The following TANC2 variants were observed in gnomAD, a reference collection of about 807,000 sequenced individuals.
TANC2 encodes the protein protein TANC2.
TANC2 carries 26 observed loss-of-function variants against 210.5 expected under a neutral mutation model. That is an observed-to-expected ratio of 0.12 (90% CI 0.09 to 0.17). The LOEUF (loss-of-function observed/expected upper bound fraction) is 0.17, where lower values mean the gene tolerates loss of function less well. Ranked by LOEUF, TANC2 falls within the 10% of genes least tolerant of loss-of-function variation. TANC2 has a pLI of 1.00. For missense variants in TANC2, 2,129 were observed against 2,608.9 expected, an observed-to-expected ratio of 0.82 and a Z score of 4.01; for synonymous variants, 931 against 967.1, an observed-to-expected ratio of 0.96 and a Z score of 0.69.
chr17:63,209,418 TTTTG>T (rs574202828), intron 7 of TANC2, among the ~76,000 whole-genome samples: 3 of 152,088 alleles, frequency 2.0e-5, no homozygotes, highest in Non-Finnish European at 4.4e-5. Flanking sequence ...AAGGAATCCT[TTTTG>T]TTTGTTTGTT....
chr17:63,167,884 C>CA lies in TANC2; in HGVS notation c.433+16529dup, dbSNP rs760465295. 7.7e-3 allele frequency among the ~76,000 whole-genome samples: 494 copies of CA among 63,922 alleles called. 12 individuals are homozygous for CA. Among genetic ancestry groups the CA allele is most frequent in the East Asian group, 0.02 (27 of 1,330 alleles). The allele number at this position is 63,922 out of a possible 152,430, so 41.9% of individuals were successfully genotyped here. A position where few individuals can be genotyped will look rare whatever the true frequency, so the allele number is the denominator to read the frequency against. On this transcript the variant is annotated intron_variant, in intron 5 of 27. Transcript: ENST00000689528. ...TGGGTGACAGAGTGAGACTCTGTCT[C>CA]AAAAAAAAAAAAAAAAAAAAAAAAA... is the stretch of plus-strand genomic sequence containing the variant.
chr17:63,421,473 G>C lies in TANC2; in HGVS notation c.5743G>C (p.Gly1915Arg). 6.2e-7 allele frequency: 1 copy of C among 1,613,948 alleles called. No individual in the cohort carries two copies. Among genetic ancestry groups the C allele is most frequent in the Non-Finnish European group, 8.5e-7 (1 of 1,179,890 alleles). The change falls in exon 28 of 28, where the codon GGA (glycine) becomes CGA (arginine). Residue 1915 changes from glycine to arginine, a missense_variant. Around this residue, in one of 5 missense-constraint regions of TANC2, gnomAD observed 584 missense variants for 627.3 expected, o/e 0.93. Transcript: ENST00000689528. The surrounding 1 kb of genome is among the most constrained non-coding windows in gnomAD (Gnocchi z 6.9). ...GCTGTCGCCAGTGTCTCCAACTCAAGGAGGTTACCCCAGTGAGCCCACCCG... is the reference window on the plus strand; with the variant it reads ...GCTGTCGCCAGTGTCTCCAACTCAACGAGGTTACCCCAGTGAGCCCACCCG...
At chr17:63,375,009 T>TA (rs1295540305) in intron 14 of TANC2, among the ~76,000 whole-genome samples, 5 of 151,876 alleles carry the variant, frequency 3.3e-5, no homozygotes, top group South Asian at 4.2e-4. Context: ...TGGCAATATT[T>TA]AAAAAAAAGA....
At chr17:63,232,694 T>C (rs1191361298) in intron 7 of TANC2, among the ~76,000 whole-genome samples, 28 of 152,212 alleles carry the variant, frequency 1.8e-4, no homozygotes, top group Non-Finnish European at 2.2e-4. Context: ...GTATAAGGTG[T>C]CTGGCGACCC....
chr17:63,049,111 C>T (rs2035485463), intron 2 of TANC2, among the ~76,000 whole-genome samples: 1 of 152,098 alleles, frequency 6.6e-6, no homozygotes, highest in African/African-American at 2.4e-5. Context: ...CCAGAATTCC[C>T]TTCTTTCTCT....
chr17:63,320,892 C>T (rs951205412), intron 11 of TANC2, among the ~76,000 whole-genome samples: 42 of 152,060 alleles, frequency 2.8e-4, no homozygotes, highest in African/African-American at 9.7e-4. Context: ...TTCTACAACT[C>T]GTATTAATAA....
intron 8 of TANC2, among the ~76,000 whole-genome samples, 198 bp from the exon 9 acceptor site, chr17:63,267,550 G>A (rs987319667): frequency 4.6e-5 from 7 of 152,150 alleles, no homozygotes; most frequent in African/African-American, 1.7e-4. Context: ...CAAGTGAAAT[G>A]AAGGGTTAAT....
chr17:63,307,215 A>G (rs2044945056), intron 9 of TANC2, among the ~76,000 whole-genome samples: 1 of 152,172 alleles, frequency 6.6e-6, no homozygotes, highest in African/African-American at 2.4e-5. Context: ...GGGGAGTGAT[A>G]TGGTCCTTTT....
chr17:63,296,260 A>G (rs1356465260), intron 9 of TANC2, among the ~76,000 whole-genome samples: 1 of 152,190 alleles, frequency 6.6e-6, no homozygotes, highest in Non-Finnish European at 1.5e-5. Context: ...GAAAGAGGTT[A>G]CTCAATTTCA....
chr17:63,019,883 G>A (rs2034274256), intron 2 of TANC2, among the ~76,000 whole-genome samples: 1 of 152,056 alleles, frequency 6.6e-6, no homozygotes, highest in African/African-American at 2.4e-5. Flanking sequence ...TCAGATACAT[G>A]GTTTGAAAAT....
At chr17:63,374,035 T>G (rs2047351250) in intron 14 of TANC2, among the ~76,000 whole-genome samples, 1 of 141,800 alleles carries the variant, frequency 7.1e-6, no homozygotes, top group African/African-American at 2.7e-5. Flanking sequence ...GTTGTTGGTT[T>G]TTTTTTTTTT....
At chr17:63,188,894 A>AC (rs537170247) in intron 5 of TANC2, among the ~76,000 whole-genome samples, 4,880 of 133,716 alleles carry the variant, frequency 0.036, 75 homozygotes, top group South Asian at 0.048. Context: ...CATTTTTATC[A>AC]CCCCCCCCCA....
intron 3 of TANC2, among the ~76,000 whole-genome samples, chr17:63,076,827 AT>A (rs2036587789): frequency 6.6e-6 from 1 of 152,172 alleles, no homozygotes. Flanking sequence ...TCAGAGACTA[AT>A]GTGCTGAAAG....
chr17:63,060,950 A>G (rs1045311850), intron 2 of TANC2, among the ~76,000 whole-genome samples: 1 of 152,174 alleles, frequency 6.6e-6, no homozygotes, highest in African/African-American at 2.4e-5. Flanking sequence ...ATGTGTGCCT[A>G]CAGTCCCAGC....
At chr17:63,168,320 T>G (rs1274135787) in intron 5 of TANC2, among the ~76,000 whole-genome samples, 1 of 152,152 alleles carries the variant, frequency 6.6e-6, no homozygotes, top group Non-Finnish European at 1.5e-5. Context: ...TTCATATAAT[T>G]TTGTGTGGCT....
intron 1 of TANC2, among the ~76,000 whole-genome samples, chr17:62,999,923 C>T (rs535378425): frequency 2.0e-5 from 3 of 152,276 alleles, no homozygotes; most frequent in Admixed American, 2.0e-4. Context: ...GAGATCATGT[C>T]CTTTGCAGCA....
chr17:63,358,100 T>C (rs999706168), intron 14 of TANC2, among the ~76,000 whole-genome samples: 3 of 152,200 alleles, frequency 2.0e-5, no homozygotes, highest in African/African-American at 7.2e-5. Context: ...AGAAATAGGC[T>C]ACCCAAGGAG....
At chr17:63,272,033 A>G (rs1281486434) in intron 9 of TANC2, among the ~76,000 whole-genome samples, 1 of 151,872 alleles carries the variant, frequency 6.6e-6, no homozygotes, top group Admixed American at 6.6e-5. Context: ...ATCTTTGCCT[A>G]TTTCTTTATC....
At chr17:63,205,372 A>AAAAAAAAAAAAAAAAAAAAC (rs1472135033) in intron 7 of TANC2, among the ~76,000 whole-genome samples, 2 of 131,810 alleles carry the variant, frequency 1.5e-5, no homozygotes, top group African/African-American at 6.2e-5. Context: ...AAAAAAAAAA[A>AAAAAAAAAAAAAAAAAAAAC]CCTCATACAC....
Sources: gnomAD v4.1 joint callset for allele counts (sites outside exome capture counted in the v4.1 genomes callset) on GRCh38, gnomAD v4.1.1 for gene constraint, gnomAD v4.1.1 regional missense constraint, Gnocchi (gnomAD v3.1) non-coding constraint, MANE v1.5 for transcripts, NCBI Gene and HGNC (gene_info 2026-07-23, HGNC 2026-07-21) for gene names.